The following ORAI2 variants were observed in gnomAD, a reference collection of about 807,000 sequenced individuals.
The protein encoded by ORAI2 is protein orai-2.
A neutral mutation model predicts 16.2 loss-of-function variants in ORAI2; 10 were observed. The ratio of observed to expected loss-of-function variants is 0.62; its 90% CI spans 0.38 to 1.04. The LOEUF is 1.04. Ranked by LOEUF, ORAI2 falls within the 50% of genes least tolerant of loss-of-function variation. ORAI2 has a pLI of 0.01. For missense variants in ORAI2, 238 were observed against 355.5 expected, an observed-to-expected ratio of 0.67 and a Z score of 2.66; for synonymous variants, 150 against 157.5, an observed-to-expected ratio of 0.95 and a Z score of 0.35.
intron 3 of ORAI2, among the ~76,000 whole-genome samples, chr7:102,443,964 C>A (rs745944830): frequency 1.4e-4 from 22 of 152,122 alleles, no homozygotes; most frequent in Non-Finnish European, 2.4e-4. Context: ...ACCTCGGCCT[C>A]CCAAAGTGCT....
intron 1 of ORAI2, among the ~76,000 whole-genome samples, chr7:102,435,568 G>A (rs1485865229): frequency 1.5e-5 from 2 of 134,854 alleles, no homozygotes; most frequent in Admixed American, 8.4e-5. Flanking sequence ...ATGGAGTCTC[G>A]CTCTGTTGCC....
rs1797632560 is a variant in ORAI2 at position 102,455,855 on chromosome 7, G to A, written c.*8803G>A. The A allele has an allele frequency of 6.6e-6, 1 of 152,294 alleles. No individual in the cohort carries two copies. The highest frequency in any genetic ancestry group is 1.9e-4 in the East Asian group (1 of 5,200). The allele number at this position is 152,294 out of a possible 1,614,324, so 9.4% of individuals were successfully genotyped here. A position where few individuals can be genotyped will look rare whatever the true frequency, so the allele number is the denominator to read the frequency against. ...TCTCACAGCCACTAGAAACCCATCA[G>A]CCTTTCCCCTGGGTCTATGCGGGGC... On this transcript the variant is annotated 3_prime_UTR_variant, in exon 4 of 4. Transcript: ENST00000495936.
At chr7:102,443,131 CTT>C (rs796130520) in intron 3 of ORAI2, among the ~76,000 whole-genome samples, 54 of 25,650 alleles carry the variant, frequency 2.1e-3, no homozygotes, top group South Asian at 4.5e-3. Context: ...TCTTCTTCTT[CTT>C]TTTTTTTTTT....
At chr7:102,442,343 A>G (rs1202724349) in intron 3 of ORAI2, among the ~76,000 whole-genome samples, 1 of 152,176 alleles carries the variant, frequency 6.6e-6, no homozygotes, top group Non-Finnish European at 1.5e-5. Flanking sequence ...ACTTGAGGTC[A>G]GGAGTTGGAG....
In ORAI2 at chr7:102,447,815, A is replaced by G. The variant is rs915688044; in HGVS notation, c.*763A>G. The G allele has an allele frequency of 1.3e-5, 2 of 152,242 alleles. No individual in the cohort carries two copies. Among genetic ancestry groups the G allele is most frequent in the Non-Finnish European group, 2.9e-5 (2 of 68,058 alleles). 9.4% of individuals were successfully genotyped at this position (152,242 alleles called of 1,614,324 possible). ...GCTGCTGCAAAGTACGCTAGGCTCA[A>G]ATTCTCTTTTCCCAGCCAGAGCCCT... On this transcript the variant is annotated 3_prime_UTR_variant, in exon 4 of 4. Coordinates refer to ENST00000495936, the MANE Select transcript of ORAI2 (RefSeq NM_001126340.3).
At chr7:102,443,089 T>TTTCTTCTTC (rs368278302) in intron 3 of ORAI2, among the ~76,000 whole-genome samples, 1,396 of 125,638 alleles carry the variant, frequency 0.011, 27 homozygotes, top group African/African-American at 0.035. Flanking sequence ...TGCCTTCTCT[T>TTTCTTCTTC]TTCTTCTTCT....
rs1002910109 is a variant in ORAI2, at chr7:102,456,411, C to A, written c.*9359C>A. ...AGGTGTGTGCCACCATGCCCAGACG[C>A]CCAGCTAATGTTTGTATTTTTTGTA... On this transcript the variant is annotated 3_prime_UTR_variant, in exon 4 of 4. Coordinates refer to ENST00000495936, the MANE Select transcript of ORAI2 (RefSeq NM_001126340.3). 1 of 152,130 alleles carries A rather than the reference C, an allele frequency of 6.6e-6. No individual in the cohort carries two copies. The highest frequency in any genetic ancestry group is 2.4e-5 in the African/African-American group (1 of 41,386). 9.4% of individuals were successfully genotyped at this position (152,130 alleles called of 1,614,324 possible). A position where few individuals can be genotyped will look rare whatever the true frequency, so the allele number is the denominator to read the frequency against.
chr7:102,442,277 G>T (rs1366476975), intron 3 of ORAI2, among the ~76,000 whole-genome samples: 1 of 152,114 alleles, frequency 6.6e-6, no homozygotes, highest in Non-Finnish European at 1.5e-5. Flanking sequence ...GGAGGGCCGG[G>T]CGCCATGGTT....
intron 3 of ORAI2, among the ~76,000 whole-genome samples, chr7:102,445,777 A>G (rs1418575209): frequency 6.6e-6 from 1 of 151,634 alleles, no homozygotes; most frequent in East Asian, 1.9e-4. Flanking sequence ...CATTGTACCC[A>G]GCCAGTTTTT....
Position 102,446,945 on chromosome 7 carries a change from C to T in ORAI2, c.658C>T (p.Arg220Cys), listed in dbSNP as rs778562970. ...CGTGGTCTTCACCATCCACTTCTACCGCTCCCTGGTGCGCCACAAAACGGA... is the reference window on the plus strand; with the variant it reads ...CGTGGTCTTCACCATCCACTTCTACTGCTCCCTGGTGCGCCACAAAACGGA... ...IFVVFTIHFYRSLVRHKTERH... is the reference protein window; with the variant it reads ...IFVVFTIHFYCSLVRHKTERH... The change falls in exon 4 of 4, where the codon CGC becomes TGC. Residue 220 changes from arginine to cysteine, a missense_variant. Physicochemically the swap from Arg to Cys is radical, Grantham distance 180. This residue lies in a region of ORAI2 where 176 missense variants were observed against 265.9 expected (regional missense o/e 0.66). Coordinates refer to ENST00000495936, the MANE Select transcript of ORAI2 (RefSeq NM_001126340.3). The T allele has an allele frequency of 6.2e-7, 1 of 1,612,300 alleles. No homozygotes were observed.
At chr7:102,446,396 C>A in intron 3 of ORAI2, 117 bp from the exon 4 acceptor site, 2 of 1,079,894 alleles carry the variant, frequency 1.9e-6, no homozygotes, top group South Asian at 1.6e-5. Context: ...CAGGCAAGCC[C>A]ATGGCTACCC....
chr7:102,447,377 G>A lies in ORAI2; in HGVS notation c.*325G>A, dbSNP rs182730398. 7.5e-4 allele frequency: 235 copies of A among 311,466 alleles called. No individual in the cohort carries two copies. Among genetic ancestry groups the A allele is most frequent in the Non-Finnish European group, 9.0e-4 (151 of 167,586 alleles). 19.3% of individuals were successfully genotyped at this position (311,466 alleles called of 1,614,324 possible). Reference sequence around the variant, plus strand: ...GAGGGGCTCCAAGCAGCACCCAGCGGTCCGGGGGAGTCTCAGACCCGGCAT... The same window carrying A: ...GAGGGGCTCCAAGCAGCACCCAGCGATCCGGGGGAGTCTCAGACCCGGCAT... On this transcript the variant is annotated 3_prime_UTR_variant, in exon 4 of 4. Transcript: ENST00000495936.
chr7:102,447,278 T>C lies in ORAI2; in HGVS notation c.*226T>C. 1 of 572,790 alleles carries C rather than the reference T, an allele frequency of 1.7e-6. No individual in the cohort carries two copies. The highest frequency in any genetic ancestry group is 3.0e-6 in the Non-Finnish European group (1 of 334,430). 35.5% of individuals were successfully genotyped at this position (572,790 alleles called of 1,614,324 possible). A position where few individuals can be genotyped will look rare whatever the true frequency, so the allele number is the denominator to read the frequency against. On this transcript the variant is annotated 3_prime_UTR_variant, in exon 4 of 4. Coordinates refer to ENST00000495936, the MANE Select transcript of ORAI2 (RefSeq NM_001126340.3). ...TGGGGGCAAAGCCAGGCTGGTTCCT[T>C]GGCCTCGGGGTTTCCTGGGTCGGGG...
chr7:102,439,238 G>A, intron 3 of ORAI2, 57 bp downstream of exon 3: 3 of 1,455,872 alleles, frequency 2.1e-6, no homozygotes, highest in South Asian at 2.3e-5. Context: ...GCTAACTGAG[G>A]TCCCGGGATG....
chr7:102,456,462 C>T lies in ORAI2; in HGVS notation c.*9410C>T, dbSNP rs2133248012. ...GAGATGGGGGTCTCACTATGTTGCC[C>T]AGGCTGGCCTCAAGCAATCCTCCCA... is the stretch of plus-strand genomic sequence containing the variant. On this transcript the variant is annotated 3_prime_UTR_variant, in exon 4 of 4. Transcript: ENST00000495936. The T allele has an allele frequency of 6.6e-6, 1 of 152,272 alleles. No individual in the cohort carries two copies. Among genetic ancestry groups the T allele is most frequent in the African/African-American group, 2.4e-5 (1 of 41,524 alleles). 9.4% of individuals were successfully genotyped at this position (152,272 alleles called of 1,614,324 possible). A position where few individuals can be genotyped will look rare whatever the true frequency, so the allele number is the denominator to read the frequency against.
chr7:102,444,666 T>TG (rs1214665808), intron 3 of ORAI2, among the ~76,000 whole-genome samples: 60 of 15,100 alleles, frequency 4.0e-3, no homozygotes, highest in Non-Finnish European at 4.5e-3. Context: ...AGGCTTCTTC[T>TG]TTTTTTTTTT....
intron 3 of ORAI2, among the ~76,000 whole-genome samples, chr7:102,441,954 C>A (rs1248633094): frequency 6.6e-6 from 1 of 152,146 alleles, no homozygotes; most frequent in Non-Finnish European, 1.5e-5. Context: ...GGCAAAGGTA[C>A]AGATTGCTGG....
chr7:102,448,265 G>T lies in ORAI2; in HGVS notation c.*1213G>T, dbSNP rs976477552. The T allele has an allele frequency of 1.3e-5, 2 of 152,312 alleles. No homozygotes were observed. Among genetic ancestry groups the T allele is most frequent in the Non-Finnish European group, 2.9e-5 (2 of 68,100 alleles). 9.4% of individuals were successfully genotyped at this position (152,312 alleles called of 1,614,324 possible). A position where few individuals can be genotyped will look rare whatever the true frequency, so the allele number is the denominator to read the frequency against. On this transcript the variant is annotated 3_prime_UTR_variant, in exon 4 of 4. Coordinates refer to ENST00000495936, the MANE Select transcript of ORAI2 (RefSeq NM_001126340.3). Reference sequence around the variant, plus strand: ...GCAGGTTCTGGCCTTTTCCTTGAAGGCATCTGGTAGACCCGAAGCCACGCT... The same window carrying T: ...GCAGGTTCTGGCCTTTTCCTTGAAGTCATCTGGTAGACCCGAAGCCACGCT...
At position 102,448,687 on chromosome 7, in the gene ORAI2, A is replaced by G. The variant is rs904137859; in HGVS notation, c.*1635A>G. ...AGCTGAGATGGCGCCACTGCACTCC[A>G]GCCTGGGCGACAGAGCCAGACTCCA... On this transcript the variant is annotated 3_prime_UTR_variant, in exon 4 of 4. Transcript: ENST00000495936. 3 of 148,172 alleles carry G rather than the reference A, an allele frequency of 2.0e-5. No homozygotes were observed. The highest frequency in any genetic ancestry group is 4.4e-5 in the Non-Finnish European group (3 of 67,580). 9.2% of individuals were successfully genotyped at this position (148,172 alleles called of 1,614,324 possible). A position where few individuals can be genotyped will look rare whatever the true frequency, so the allele number is the denominator to read the frequency against.
Sources: gnomAD v4.1 joint callset for allele counts (sites outside exome capture counted in the v4.1 genomes callset) on GRCh38, gnomAD v4.1.1 for gene constraint, gnomAD v4.1.1 regional missense constraint, MANE v1.5 for transcripts, NCBI Gene and HGNC (gene_info 2026-07-23, HGNC 2026-07-21) for gene names.